NKAIN3: variants seen among roughly 807,000 people sequenced by gnomAD.
The protein encoded by NKAIN3 is sodium/potassium-transporting ATPase subunit beta-1-interacting protein 3.
In NKAIN3, 25 loss-of-function variants were observed where a neutral mutation model predicts 30.2. The observed-to-expected ratio is 0.83, with a 90% CI of 0.60 to 1.16. The LOEUF (loss-of-function observed/expected upper bound fraction) is 1.16, where lower values mean the gene tolerates loss of function less well. NKAIN3 is among the 50% of genes most tolerant of loss of function. The probability of loss-of-function intolerance (pLI) is 0.00; values close to 1 mark genes in which losing one functional copy is unlikely to be tolerated. For synonymous variants in NKAIN3, 91 were observed against 89.6 expected, an observed-to-expected ratio of 1.02 and a Z score of -0.09; for missense variants, 225 against 254.1, an observed-to-expected ratio of 0.89 and a Z score of 0.78.
At chr8:62,354,742 C>T (rs763083757) in intron 1 of NKAIN3, among the ~76,000 whole-genome samples, 7 of 152,094 alleles carry the variant, frequency 4.6e-5, no homozygotes, top group East Asian at 1.9e-4. Context: ...CGCGCCAGGC[C>T]GACAGTTTCT....
chr8:62,562,899 G>A (rs895055382), intron 1 of NKAIN3, among the ~76,000 whole-genome samples: 1 of 152,056 alleles, frequency 6.6e-6, no homozygotes, highest in Admixed American at 6.6e-5. Flanking sequence ...CATGAGAAAA[G>A]GTTCTTAGAG....
intron 1 of NKAIN3, among the ~76,000 whole-genome samples, chr8:62,526,606 C>T (rs1808311261): frequency 1.3e-5 from 2 of 152,034 alleles, no homozygotes; most frequent in Admixed American, 6.6e-5. Flanking sequence ...GTTTATTTAG[C>T]ATCAGAAGAA....
chr8:62,811,772 C>A (rs6996591), intron 4 of NKAIN3, among the ~76,000 whole-genome samples: 4,196 of 151,946 alleles, frequency 0.028, 201 homozygotes, highest in African/African-American at 0.096. Context: ...TTTCTAGATA[C>A]AACTTATTTG....
At chr8:62,596,450 G>A (rs1171222359) in intron 3 of NKAIN3, among the ~76,000 whole-genome samples, 1 of 151,998 alleles carries the variant, frequency 6.6e-6, no homozygotes, top group Non-Finnish European at 1.5e-5. Context: ...ACAGCCAATA[G>A]TAATCTCCTA....
chr8:62,760,639 G>C (rs962981642), intron 4 of NKAIN3, among the ~76,000 whole-genome samples: 2 of 142,832 alleles, frequency 1.4e-5, no homozygotes, highest in Admixed American at 7.0e-5. Flanking sequence ...TGTGGGGGGA[G>C]GGGGGAGGGA....
chr8:62,681,505 C>T (rs766977946), intron 3 of NKAIN3, among the ~76,000 whole-genome samples: 28 of 152,030 alleles, frequency 1.8e-4, no homozygotes, highest in Non-Finnish European at 3.5e-4. Context: ...TGTGGTTTAC[C>T]AGTAAAACTA....
intron 4 of NKAIN3, among the ~76,000 whole-genome samples, chr8:62,771,344 G>C (rs1051551643): frequency 6.7e-6 from 1 of 149,302 alleles, no homozygotes; most frequent in Non-Finnish European, 1.5e-5. Flanking sequence ...AATAAAGAAA[G>C]AGATTTTTAA....
In NKAIN3 at chr8:62,586,037, T is replaced by C. The variant is rs73255092; in HGVS notation, c.193-3677T>C. On this transcript the variant is annotated intron_variant, in intron 2 of 6. Coordinates refer to ENST00000623646, the MANE Select transcript of NKAIN3 (RefSeq NM_001304533.3). Reference sequence around the variant, plus strand: ...TTGTTTAACATTTTTTGAAATAAGATTAACCTTGAAATTAAAATTAGCTCA... The same window carrying C: ...TTGTTTAACATTTTTTGAAATAAGACTAACCTTGAAATTAAAATTAGCTCA... 5.7e-3 allele frequency among the ~76,000 whole-genome samples: 870 copies of C among 152,328 alleles called. 7 individuals are homozygous for C. The highest frequency in any genetic ancestry group is 0.02 in the African/African-American group (827 of 41,580).
At chr8:62,725,845 A>G (rs1012426685) in intron 3 of NKAIN3, among the ~76,000 whole-genome samples, 1 of 152,000 alleles carries the variant, frequency 6.6e-6, no homozygotes, top group Non-Finnish European at 1.5e-5. Context: ...GTGGTTTCAT[A>G]TACATTTTAG....
intron 4 of NKAIN3, among the ~76,000 whole-genome samples, chr8:62,829,742 T>TGATGATA (rs1554582324): frequency 6.7e-6 from 1 of 150,266 alleles, no homozygotes; most frequent in African/African-American, 2.5e-5. Context: ...GATAGATAGA[T>TGATGATA]GATAGATAGA....
intron 4 of NKAIN3, among the ~76,000 whole-genome samples, chr8:62,765,121 C>T (rs1440678320): frequency 6.6e-6 from 1 of 151,496 alleles, no homozygotes; most frequent in Non-Finnish European, 1.5e-5. Flanking sequence ...GTGGTGTGTG[C>T]CTGTAATCCC....
chr8:62,290,459 T>C (rs962579857), intron 1 of NKAIN3, among the ~76,000 whole-genome samples: 1 of 152,208 alleles, frequency 6.6e-6, no homozygotes, highest in Non-Finnish European at 1.5e-5. Flanking sequence ...TGAAGGGCTA[T>C]TGAATTTTGT....
intron 3 of NKAIN3, among the ~76,000 whole-genome samples, chr8:62,676,334 C>A (rs896769130): frequency 6.6e-6 from 1 of 152,136 alleles, no homozygotes; most frequent in Non-Finnish European, 1.5e-5. Context: ...TTTGGGAGGC[C>A]GAGGCAGGTG....
intron 4 of NKAIN3, among the ~76,000 whole-genome samples, chr8:62,751,920 A>G (rs1185124730): frequency 6.6e-6 from 1 of 152,012 alleles, no homozygotes; most frequent in East Asian, 1.9e-4. Flanking sequence ...ACCTGAGCAC[A>G]CTATAATCAT....
chr8:62,476,495 T>C (rs1481089207), intron 1 of NKAIN3, among the ~76,000 whole-genome samples: 1 of 152,084 alleles, frequency 6.6e-6, no homozygotes, highest in Admixed American at 6.6e-5. Flanking sequence ...TCTCGCTCTT[T>C]CACCAGGCTG....
rs1474882602 is a variant in NKAIN3, at chr8:62,305,574, T to C, written c.54+56447T>C. Reference sequence around the variant, plus strand: ...TTAAAACTCAAGTTTCAACTTTCTTTCTAGAAATTATGGAAGCTATCTATA... The same window carrying C: ...TTAAAACTCAAGTTTCAACTTTCTTCCTAGAAATTATGGAAGCTATCTATA... On this transcript the variant is annotated intron_variant, in intron 1 of 6. Transcript: ENST00000623646. Among the ~76,000 whole-genome samples the C allele has an allele frequency of 1.3e-5, 2 of 150,502 alleles. 1 individual carries two copies. Among genetic ancestry groups the C allele is most frequent in the African/African-American group, 5.0e-5 (2 of 39,926 alleles).
chr8:62,742,839 A>C (rs947218822), intron 3 of NKAIN3, among the ~76,000 whole-genome samples: 3 of 152,218 alleles, frequency 2.0e-5, no homozygotes, highest in Admixed American at 1.3e-4. Context: ...AAAGAAGTTT[A>C]ATTAACTCAC....
chr8:62,370,966 T>C (rs1250605099), intron 1 of NKAIN3, among the ~76,000 whole-genome samples: 1 of 151,984 alleles, frequency 6.6e-6, no homozygotes, highest in Non-Finnish European at 1.5e-5. Flanking sequence ...TTCAAGACTG[T>C]CTGTAGTAAA....
At chr8:62,397,658 A>G (rs553705241) in intron 1 of NKAIN3, among the ~76,000 whole-genome samples, 1 of 152,132 alleles carries the variant, frequency 6.6e-6, no homozygotes, top group African/African-American at 2.4e-5. Flanking sequence ...GGTAAATTTT[A>G]CATAAGGCTA....
Sources: gnomAD v4.1 joint callset for allele counts (sites outside exome capture counted in the v4.1 genomes callset) on GRCh38, gnomAD v4.1.1 for gene constraint, MANE v1.5 for transcripts, NCBI Gene and HGNC (gene_info 2026-07-23, HGNC 2026-07-21) for gene names.